The following CFAP77 variants were observed in gnomAD, a reference collection of about 807,000 sequenced individuals.
The protein encoded by CFAP77 is cilia and flagella associated protein 77.
CFAP77 carries 25 observed loss-of-function variants against 31.1 expected under a neutral mutation model. That is an observed-to-expected ratio of 0.80 (90% CI 0.59 to 1.12). The LOEUF (loss-of-function observed/expected upper bound fraction) is 1.12, where lower values mean the gene tolerates loss of function less well. CFAP77 is among the 50% of genes most tolerant of loss of function. The probability of loss-of-function intolerance (pLI) is 0.00; values close to 1 mark genes in which losing one functional copy is unlikely to be tolerated. For missense variants in CFAP77, 377 were observed against 397.3 expected (o/e 0.95, Z 0.44); for synonymous variants, 151 against 159.9 (o/e 0.94, Z 0.42).
chr9:132,460,882 C>T (rs539042555), intron 1 of CFAP77, among the ~76,000 whole-genome samples: 83 of 152,156 alleles, frequency 5.5e-4, no homozygotes, highest in Admixed American at 3.2e-3. Context: ...CCCGCCACCA[C>T]GCCCAGCTAA....
At chr9:132,451,887 T>C (rs472077) in intron 1 of CFAP77, among the ~76,000 whole-genome samples, 150,430 of 150,776 alleles carry the variant, frequency 1, 75,043 homozygotes, top group Middle Eastern at 1. Context: ...TCACTGCAAC[T>C]TCCGCCTCCT....
intron 5 of CFAP77, among the ~76,000 whole-genome samples, chr9:132,566,406 C>A (rs778945637): frequency 6.6e-5 from 10 of 152,210 alleles, no homozygotes; most frequent in East Asian, 1.9e-4. Context: ...CTCCTCCGGG[C>A]GTTCCAAGGC....
At position 132,499,269 on chromosome 9, in the gene CFAP77, G is replaced by C; in HGVS notation, c.296-103G>C. 1 of 1,009,730 alleles carries C rather than the reference G, an allele frequency of 9.9e-7. No homozygotes were observed. Among genetic ancestry groups the C allele is most frequent in the East Asian group, 2.5e-5 (1 of 39,696 alleles). 62.5% of individuals were successfully genotyped at this position (1,009,730 alleles called of 1,614,324 possible). ...GTCACCCAGTAGGCTCAGGTAAATG[G>C]GAAGGCCGAGGACCCGCGTGCCCCC... On this transcript the variant is annotated intron_variant, in intron 2 of 5. Coordinates refer to ENST00000393216, the MANE Select transcript of CFAP77 (RefSeq NM_001282957.2). This position sits in a 1 kb window ranked among gnomAD's most constrained non-coding sequence, Gnocchi z 5.4.
rs1850287552 is a variant in CFAP77 at position 132,424,908 on chromosome 9, A to G, written c.195+14442A>G. On this transcript the variant is annotated intron_variant, in intron 1 of 5. Coordinates refer to ENST00000393216, the MANE Select transcript of CFAP77 (RefSeq NM_001282957.2). This position sits in a 1 kb window ranked among gnomAD's most constrained non-coding sequence, Gnocchi z 4.1. ...CCTTCTTCTCCCCACCTCCCTAATC[A>G]GAGAGAGCAAATTGTTATCAGATTA... 6.6e-6 allele frequency among the ~76,000 whole-genome samples: 1 copy of G among 152,136 alleles called. No homozygotes were observed. Among genetic ancestry groups the G allele is most frequent in the South Asian group, 2.1e-4 (1 of 4,826 alleles).
At chr9:132,412,617 CTT>C (rs796226670) in intron 1 of CFAP77, among the ~76,000 whole-genome samples, 1 of 148,920 alleles carries the variant, frequency 6.7e-6, no homozygotes, top group African/African-American at 2.5e-5. Flanking sequence ...TTGTTTTGTG[CTT>C]TTTTTTTTTT....
intron 5 of CFAP77, among the ~76,000 whole-genome samples, chr9:132,557,363 CG>C (rs1471892028): frequency 3.3e-5 from 5 of 152,180 alleles, no homozygotes; most frequent in African/African-American, 1.2e-4. Flanking sequence ...GAGCCACCGC[CG>C]TGGGGGCACG....
chr9:132,468,779 GCACACACACACGCACACACA>G (rs1028980244), intron 1 of CFAP77, among the ~76,000 whole-genome samples: 2 of 118,256 alleles, frequency 1.7e-5, no homozygotes, highest in African/African-American at 5.7e-5. Flanking sequence ...GAAAGAATAA[GCACACACACACGCACACACA>G]CACACACACA....
At position 132,455,743 on chromosome 9, in the gene CFAP77, AC is replaced by A. The variant is rs1356616859; in HGVS notation, c.196-42951del. ...AAGACTGTCTCAAAAACAAAACAAAACAAAAAAGCAAAACGAACCCCAAATG... is the reference window on the plus strand; with the variant it reads ...AAGACTGTCTCAAAAACAAAACAAAAAAAAAAGCAAAACGAACCCCAAATG... On this transcript the variant is annotated intron_variant, in intron 1 of 5. Coordinates refer to ENST00000393216, the MANE Select transcript of CFAP77 (RefSeq NM_001282957.2). The surrounding 1 kb of genome is among the most constrained non-coding windows in gnomAD (Gnocchi z 4.1). 2.0e-5 allele frequency among the ~76,000 whole-genome samples: 3 copies of A among 152,102 alleles called. No individual in the cohort carries two copies. The highest frequency in any genetic ancestry group is 1.3e-4 in the Admixed American group (2 of 15,276).
In CFAP77 at chr9:132,544,604, C is replaced by T. The variant is rs1852704619; in HGVS notation, c.732+1557C>T. On this transcript the variant is annotated intron_variant, in intron 5 of 5. Transcript: ENST00000393216. ...CAACTTCCCAGGCTCAGGTGTTCCT[C>T]CTGCCTCAGCCTCTTGAGTAGCTGG... 2.0e-5 allele frequency among the ~76,000 whole-genome samples: 3 copies of T among 151,778 alleles called. No individual in the cohort carries two copies. In the South Asian group the frequency reaches 6.2e-4, roughly 32 times the overall value.
chr9:132,519,169 T>G (rs1440582701), intron 3 of CFAP77, among the ~76,000 whole-genome samples: 2 of 112,078 alleles, frequency 1.8e-5, no homozygotes, highest in African/African-American at 3.5e-5. Context: ...GATGGATAGG[T>G]GGGTGGGTGG....
chr9:132,488,924 G>A (rs972420957), intron 1 of CFAP77, among the ~76,000 whole-genome samples: 2 of 152,176 alleles, frequency 1.3e-5, no homozygotes, highest in South Asian at 4.1e-4. Context: ...ATCTTAATGA[G>A]GTTTAATGAA....
chr9:132,520,508 C>T (rs1347860609), intron 3 of CFAP77, among the ~76,000 whole-genome samples: 3 of 152,090 alleles, frequency 2.0e-5, no homozygotes, highest in African/African-American at 4.8e-5. Flanking sequence ...TAGCCAGTTA[C>T]GGTGGTGAGT....
intron 1 of CFAP77, among the ~76,000 whole-genome samples, chr9:132,493,854 TTTC>T (rs927198941): frequency 1.3e-5 from 2 of 151,290 alleles, no homozygotes; most frequent in Non-Finnish European, 2.9e-5. Flanking sequence ...TTTCTTTTCT[TTTC>T]TTTTCTCTTT....
intron 1 of CFAP77, among the ~76,000 whole-genome samples, chr9:132,469,824 C>T (rs972138286): frequency 4.0e-5 from 6 of 151,284 alleles, no homozygotes; most frequent in Non-Finnish European, 8.8e-5. Context: ...TCAGACTCTG[C>T]CAGTTGCTCC....
intron 1 of CFAP77, among the ~76,000 whole-genome samples, chr9:132,418,726 A>G (rs1358923342): frequency 1.3e-5 from 2 of 152,236 alleles, no homozygotes; most frequent in African/African-American, 4.8e-5. Context: ...TCAATAATTC[A>G]TTAGATAAAC....
chr9:132,486,014 A>ATATATATATATATATGTATG (rs1851536163), intron 1 of CFAP77, among the ~76,000 whole-genome samples: 17 of 15,122 alleles, frequency 1.1e-3, no homozygotes, highest in Non-Finnish European at 1.5e-3. Flanking sequence ...ATATATATAT[A>ATATATATATATATATGTATG]TATATATATA....
chr9:132,485,700 C>A (rs560365236), intron 1 of CFAP77, among the ~76,000 whole-genome samples: 6 of 151,998 alleles, frequency 3.9e-5, no homozygotes, highest in Middle Eastern at 6.3e-3. Context: ...CTGCAAAGTA[C>A]GACGCCAAGT....
intron 1 of CFAP77, among the ~76,000 whole-genome samples, chr9:132,494,981 G>A (rs534791191): frequency 1.3e-5 from 2 of 152,198 alleles, no homozygotes; most frequent in Non-Finnish European, 2.9e-5. Context: ...AGAACCAAGG[G>A]CACTCTGCTT....
intron 3 of CFAP77, among the ~76,000 whole-genome samples, chr9:132,510,437 G>A (rs1330899288): frequency 6.6e-6 from 1 of 152,224 alleles, no homozygotes; most frequent in Non-Finnish European, 1.5e-5. Context: ...GGCTGCTAGG[G>A]TGAGGTTGGT....
Sources: allele counts gnomAD v4.1 joint callset (sites outside exome capture counted in the v4.1 genomes callset), GRCh38; gene constraint gnomAD v4.1.1; non-coding constraint Gnocchi (gnomAD v3.1); transcripts MANE v1.5; gene names NCBI Gene and HGNC (gene_info 2026-07-23, HGNC 2026-07-21).